Variants in FREM3 observed in about 807,000 individuals in gnomAD.
FREM3 encodes FRAS1-related extracellular matrix protein 3.
Under a neutral mutation model 129.1 loss-of-function variants are expected in FREM3, and 105 were observed. The ratio of observed to expected loss-of-function variants is 0.81; its 90% CI spans 0.69 to 0.96. The LOEUF (loss-of-function observed/expected upper bound fraction) is 0.96. Among genes scored for constraint, FREM3 ranks in the 40% least tolerant of loss-of-function variants. The pLI is 0.00. For missense variants in FREM3, 2,593 were observed against 2,666.3 expected (o/e 0.97, Z 0.61); for synonymous variants, 1,014 against 1,044.9 (o/e 0.97, Z 0.57).
intron 2 of FREM3, among the ~76,000 whole-genome samples, chr4:143,661,573 G>A (rs1480570165): frequency 6.6e-6 from 1 of 151,762 alleles, no homozygotes; most frequent in Admixed American, 6.6e-5. Flanking sequence ...GTCTCTGCCC[G>A]CCTTTGGTAT....
chr4:143,637,992 T>A (rs189478187), intron 2 of FREM3, among the ~76,000 whole-genome samples: 1 of 152,298 alleles, frequency 6.6e-6, no homozygotes, highest in Admixed American at 6.5e-5. Flanking sequence ...GTATTCTTTT[T>A]GGAGATGTAC....
chr4:143,582,826 T>C (rs1292262856), intron 7 of FREM3, among the ~76,000 whole-genome samples: 5 of 151,932 alleles, frequency 3.3e-5, no homozygotes, highest in Non-Finnish European at 5.9e-5. Context: ...ACAGATCTGA[T>C]AGAGCTGAAA....
intron 7 of FREM3, among the ~76,000 whole-genome samples, chr4:143,579,158 A>G (rs2149832111): frequency 6.6e-6 from 1 of 152,236 alleles, no homozygotes; most frequent in South Asian, 2.1e-4. Context: ...TAGTGACATT[A>G]AGAAAACAAA....
At position 143,577,485 on chromosome 4, in the gene FREM3, A is replaced by G. The variant is rs1738058757; in HGVS notation, c.*126T>C. 1.2e-6 allele frequency: 1 copy of G among 867,458 alleles called. No individual in the cohort carries two copies. The highest frequency in any genetic ancestry group is 2.7e-5 in the East Asian group (1 of 37,490). 53.7% of individuals were successfully genotyped at this position (867,458 alleles called of 1,614,324 possible). ...ATAAATTACATTTCCACATATCACC[A>G]GAATATAACACCAATGACAGTACAA... On this transcript the variant is annotated 3_prime_UTR_variant, in exon 8 of 8. Transcript: ENST00000329798.
In FREM3 at chr4:143,689,861, A is replaced by G. The variant is rs992776731; in HGVS notation, c.5275+3252T>C. ...GATGCAAAGGCATAAGAATGACACA[A>G]TGGACTTTGGGAACTTGGGGGGAAG... On this transcript the variant is annotated intron_variant, in intron 2 of 7. Coordinates refer to ENST00000329798, the MANE Select transcript of FREM3 (RefSeq NM_001168235.2). 8.6e-5 allele frequency among the ~76,000 whole-genome samples: 12 copies of G among 140,212 alleles called. No homozygotes were observed. The South Asian group carries it at 1.1e-3, about 12-fold the overall frequency. 92.0% of individuals were successfully genotyped at this position (140,212 alleles called of 152,430 possible).
chr4:143,667,229 T>C (rs942820322), intron 2 of FREM3, among the ~76,000 whole-genome samples: 2 of 152,172 alleles, frequency 1.3e-5, no homozygotes, highest in Admixed American at 1.3e-4. Context: ...TTAAATTCAA[T>C]TTCACCACTA....
At chr4:143,684,786 A>G (rs985339296) in intron 2 of FREM3, among the ~76,000 whole-genome samples, 25 of 152,232 alleles carry the variant, frequency 1.6e-4, no homozygotes, top group African/African-American at 5.8e-4. Flanking sequence ...AGAAATATTC[A>G]GGGAAATAGA....
chr4:143,679,503 C>T (rs1740212777), intron 2 of FREM3, among the ~76,000 whole-genome samples: 2 of 152,162 alleles, frequency 1.3e-5, no homozygotes, highest in African/African-American at 2.4e-5. Context: ...ATATAATCAG[C>T]GGTTTCAGCA....
At chr4:143,683,597 T>C (rs1740298318) in intron 2 of FREM3, among the ~76,000 whole-genome samples, 1 of 152,186 alleles carries the variant, frequency 6.6e-6, no homozygotes, top group Non-Finnish European at 1.5e-5. Flanking sequence ...GGGGGAGAAC[T>C]ACACAGGGAC....
chr4:143,606,473 G>A (rs536384024), intron 6 of FREM3, among the ~76,000 whole-genome samples: 1 of 151,866 alleles, frequency 6.6e-6, no homozygotes, highest in East Asian at 1.9e-4. Flanking sequence ...TTTTGAACAT[G>A]AAGGTAGCTT....
At position 143,585,066 on chromosome 4, in the gene FREM3, T is replaced by A. The variant is rs1268044364; in HGVS notation, c.6178+778A>T. On this transcript the variant is annotated intron_variant, in intron 7 of 7. Transcript: ENST00000329798. This position sits in a 1 kb window ranked among gnomAD's most constrained non-coding sequence, Gnocchi z 4.2. ...GTAATTAAGGCAGAAACCAAGAAATTTTTTTGAAACTAATGAGAACAAAGA... is the reference window on the plus strand; with the variant it reads ...GTAATTAAGGCAGAAACCAAGAAATATTTTTGAAACTAATGAGAACAAAGA... Among the ~76,000 whole-genome samples, 1 of 152,142 alleles carries A rather than the reference T, an allele frequency of 6.6e-6. No individual in the cohort carries two copies. Among genetic ancestry groups the A allele is most frequent in the Non-Finnish European group, 1.5e-5 (1 of 68,028 alleles).
chr4:143,699,359 C>G lies in FREM3; in HGVS notation c.1317G>C (p.Arg439Ser). The G allele has an allele frequency of 1.3e-6, 2 of 1,537,340 alleles. No individual in the cohort carries two copies. The highest frequency in any genetic ancestry group is 8.7e-7 in the Non-Finnish European group (1 of 1,146,940). The change falls in exon 1 of 8, where the codon AGG becomes AGC. Residue 439 changes from arginine to serine, a missense_variant. Transcript: ENST00000329798. This position sits in a 1 kb window ranked among gnomAD's most constrained non-coding sequence, Gnocchi z 4.2. ...ACTGACCTTCAAAAAGCACAAGTCCCCTGTTATGGCTAGCCACTGGGACCA... is the reference window on the plus strand; with the variant it reads ...ACTGACCTTCAAAAAGCACAAGTCCGCTGTTATGGCTAGCCACTGGGACCA... Reference protein sequence around the residue: ...NTLVPVASHNRGLVLFEGQSR... With the variant: ...NTLVPVASHNSGLVLFEGQSR...
Position 143,693,215 on chromosome 4 carries a change from C to T in FREM3, c.5186-13G>A. ...TCATCAATGTCAGCTAAAAAAAAAG[C>T]AACCATCACACAAAGTCATATTGGC... is the stretch of plus-strand genomic sequence containing the variant. On this transcript the variant is annotated splice_polypyrimidine_tract_variant and intron_variant, in intron 1 of 7. Transcript: ENST00000329798. The T allele has an allele frequency of 7.2e-7, 1 of 1,394,486 alleles. No homozygotes were observed. The highest frequency in any genetic ancestry group is 9.6e-7 in the Non-Finnish European group (1 of 1,039,462). The allele number at this position is 1,394,486 out of a possible 1,614,324, so 86.4% of individuals were successfully genotyped here.
intron 6 of FREM3, 109 bp from the exon 7 acceptor site, chr4:143,586,102 G>T: frequency 9.5e-7 from 1 of 1,052,746 alleles, no homozygotes; most frequent in Non-Finnish European, 1.3e-6. Flanking sequence ...AGACATGACA[G>T]ATCCCATAGG....
chr4:143,595,758 G>A (rs533889071), intron 6 of FREM3, among the ~76,000 whole-genome samples: 2 of 152,172 alleles, frequency 1.3e-5, no homozygotes, highest in South Asian at 2.1e-4. Flanking sequence ...TGTGGTGGCA[G>A]GCTCCTGTAG....
At chr4:143,615,707 C>CAAAAA (rs55880735) in intron 5 of FREM3, among the ~76,000 whole-genome samples, 2 of 138,950 alleles carry the variant, frequency 1.4e-5, no homozygotes, top group African/African-American at 5.9e-5. Context: ...CGTCAAGTGT[C>CAAAAA]AAAAAAAAAA....
intron 6 of FREM3, among the ~76,000 whole-genome samples, chr4:143,609,449 A>T (rs1042239876): frequency 6.6e-6 from 1 of 151,928 alleles, no homozygotes; most frequent in Non-Finnish European, 1.5e-5. Context: ...AAAAAGAAGG[A>T]TATACTGTGA....
At chr4:143,656,098 C>G (rs1412076486) in intron 2 of FREM3, among the ~76,000 whole-genome samples, 3 of 152,142 alleles carry the variant, frequency 2.0e-5, no homozygotes, top group East Asian at 3.9e-4. Flanking sequence ...TCTTACCCCA[C>G]AGTAATTATA....
chr4:143,628,487 A>T (rs1040454360), intron 2 of FREM3, among the ~76,000 whole-genome samples: 4 of 152,162 alleles, frequency 2.6e-5, no homozygotes, highest in Non-Finnish European at 5.9e-5. Context: ...CCGTGAAAAG[A>T]TGTTGAAGTA....
Sources: gnomAD v4.1 joint callset for allele counts (sites outside exome capture counted in the v4.1 genomes callset) on GRCh38, gnomAD v4.1.1 for gene constraint, Gnocchi (gnomAD v3.1) non-coding constraint, MANE v1.5 for transcripts, NCBI Gene and HGNC (gene_info 2026-07-23, HGNC 2026-07-21) for gene names.